CEP152: variants seen among roughly 807,000 people sequenced by gnomAD.
The protein encoded by CEP152 is centrosomal protein 152, also known as centrosomal protein of 152 kDa.
Under a neutral mutation model 188.9 loss-of-function variants are expected in CEP152, and 132 were observed. The observed-to-expected ratio is 0.70, with a 90% CI of 0.61 to 0.81. The LOEUF (loss-of-function observed/expected upper bound fraction) is 0.81, where lower values mean the gene tolerates loss of function less well. CEP152 is among the 30% of genes least tolerant of loss of function. The pLI is 0.00. For synonymous variants in CEP152, 649 were observed against 666.6 expected, an observed-to-expected ratio of 0.97 and a Z score of 0.41; for missense variants, 1,914 against 1,969.8, an observed-to-expected ratio of 0.97 and a Z score of 0.54.
chr15:48,751,399 T>C (rs1443948123), intron 21 of CEP152, among the ~76,000 whole-genome samples: 2 of 152,186 alleles, frequency 1.3e-5, no homozygotes, highest in African/African-American at 4.8e-5. Flanking sequence ...AATATTATCA[T>C]CCACTGAATT....
At position 48,810,927 on chromosome 15, in the gene CEP152, C is replaced by T. The variant is rs540101161; in HGVS notation, c.-8+34G>A. The T allele has an allele frequency of 3.3e-5, 5 of 152,760 alleles. No homozygotes were observed. In the South Asian group the frequency reaches 8.3e-4, roughly 25 times the overall value. The allele number at this position is 152,760 out of a possible 1,614,324, so 9.5% of individuals were successfully genotyped here. A position where few individuals can be genotyped will look rare whatever the true frequency, so the allele number is the denominator to read the frequency against. ...CGAGGACCCCGCAACTCCTCTAACCCCAGGTCCAAGCTCACCCGTGAATCA... is the reference window on the plus strand; with the variant it reads ...CGAGGACCCCGCAACTCCTCTAACCTCAGGTCCAAGCTCACCCGTGAATCA... On this transcript the variant is annotated intron_variant, in intron 1 of 26. Coordinates refer to ENST00000380950, the MANE Select transcript of CEP152 (RefSeq NM_001194998.2).
downstream of CEP152, among the ~76,000 whole-genome samples, chr15:48,734,441 ATC>A (rs2140529543): frequency 6.6e-6 from 1 of 151,844 alleles, no homozygotes; most frequent in South Asian, 2.1e-4. Context: ...CCTCATAAAT[ATC>A]TGTTTAATGC....
Position 48,755,774 on chromosome 15 carries a change from T to C in CEP152, c.3345+129A>G, listed in dbSNP as rs532169337. On this transcript the variant is annotated intron_variant, in intron 20 of 26. Coordinates refer to ENST00000380950, the MANE Select transcript of CEP152 (RefSeq NM_001194998.2). ...TTTGGATTTCGCTACAGAAACTTTT[T>C]TAAACCACTGACAAAAACATAAGAC... 6.6e-6 allele frequency: 10 copies of C among 1,525,004 alleles called. No homozygotes were observed. In the Admixed American group the frequency reaches 8.8e-5, roughly 13 times the overall value. 94.5% of individuals were successfully genotyped at this position (1,525,004 alleles called of 1,614,324 possible).
chr15:48,784,888 G>T (rs1180997950), intron 9 of CEP152, among the ~76,000 whole-genome samples: 1 of 152,054 alleles, frequency 6.6e-6, no homozygotes, highest in Non-Finnish European at 1.5e-5. Context: ...AATATGTTTG[G>T]GTGTAATAAA....
chr15:48,797,721 A>G lies in CEP152; in HGVS notation c.201T>C (p.His67=), dbSNP rs150260105. 67 of 1,614,098 alleles carry G rather than the reference A, an allele frequency of 4.2e-5. 2 individuals are homozygous for G. In the African/African-American group the frequency reaches 6.7e-4, roughly 16 times the overall value. The change falls in exon 4 of 27, where the codon CAT becomes CAC. Residue 67 remains histidine (H), a synonymous_variant. Coordinates refer to ENST00000380950, the MANE Select transcript of CEP152 (RefSeq NM_001194998.2). ...TCCAGCTCATCTCCAATTGCTCAGG[A>G]TGATGTGGTCTCGAGAAAAAGGAAT... is the stretch of plus-strand genomic sequence containing the variant. ...SEDGTDGQPH[H]PEQLEMSWNE...
At chr15:48,748,698 C>T (rs1214823537) in intron 21 of CEP152, 88 bp from the exon 22 acceptor site, 1 of 1,297,654 alleles carries the variant, frequency 7.7e-7, no homozygotes, top group East Asian at 2.7e-5. Context: ...GAAAGAAAAG[C>T]AGATGACTCA....
intron 2 of CEP152, chr15:48,729,523 A>C (rs564306853): frequency 6.6e-6 from 1 of 152,340 alleles, no homozygotes; most frequent in Non-Finnish European, 1.5e-5. Context: ...CCTGGGTGAC[A>C]GAGCAAGATC....
At position 48,768,336 on chromosome 15, in the gene CEP152, C is replaced by G. The variant is rs116089174; in HGVS notation, c.1909-8G>C. 1.0e-3 allele frequency: 1,460 copies of G among 1,441,726 alleles called. 15 individuals carry two copies. In the African/African-American group the frequency reaches 0.018, roughly 18 times the overall value. 89.3% of individuals were successfully genotyped at this position (1,441,726 alleles called of 1,614,324 possible). On this transcript the variant is annotated splice_region_variant and splice_polypyrimidine_tract_variant and intron_variant, in intron 14 of 26. Transcript: ENST00000380950. The stretch of plus-strand genomic sequence containing the variant: ...TTCAGTTTCTTTAAGTTCCTAGACA[C>G]AAAAGAATAAACTTAGTACTTACAG...
At chr15:48,752,034 C>T (rs1479617722) in intron 21 of CEP152, among the ~76,000 whole-genome samples, 1 of 152,112 alleles carries the variant, frequency 6.6e-6, no homozygotes, top group Non-Finnish European at 1.5e-5. Flanking sequence ...ATGAAAAAGT[C>T]TGTATTACTT....
At chr15:48,775,227 G>A (rs1241201167) in intron 12 of CEP152, among the ~76,000 whole-genome samples, 2 of 151,800 alleles carry the variant, frequency 1.3e-5, no homozygotes, top group African/African-American at 4.8e-5. Flanking sequence ...GACAGAAAAG[G>A]TATTTAAGGA....
chr15:48,763,485 C>T (rs1353257788), intron 17 of CEP152, among the ~76,000 whole-genome samples: 1 of 152,028 alleles, frequency 6.6e-6, no homozygotes, highest in African/African-American at 2.4e-5. Flanking sequence ...ACCAGCCTGG[C>T]CAACATGGCG....
Position 48,787,730 on chromosome 15 carries a change from C to T in CEP152, c.1173+1071G>A, listed in dbSNP as rs192920524. Among the ~76,000 whole-genome samples the T allele has an allele frequency of 4.8e-4, 69 of 143,556 alleles. 2 individuals are homozygous for T. Among genetic ancestry groups the T allele is most frequent in the African/African-American group, 1.7e-3 (67 of 40,248 alleles). 94.2% of individuals were successfully genotyped at this position (143,556 alleles called of 152,430 possible). A position where few individuals can be genotyped will look rare whatever the true frequency, so the allele number is the denominator to read the frequency against. On this transcript the variant is annotated intron_variant, in intron 9 of 26. Coordinates refer to ENST00000380950, the MANE Select transcript of CEP152 (RefSeq NM_001194998.2). ...TTTAAGTGTGGTGAAATTTTCCATA[C>T]CCTCACATCTGATTTTTCTTCTCTC...
rs577068566 is a variant in CEP152 at position 48,789,122 on chromosome 15, G to C, written c.973-121C>G. 11 of 895,990 alleles carry C rather than the reference G, an allele frequency of 1.2e-5. No homozygotes were observed. In the African/African-American group the frequency reaches 1.5e-4, roughly 12 times the overall value. 55.5% of individuals were successfully genotyped at this position (895,990 alleles called of 1,614,324 possible). ...ACTCAAGCATGTTTTAATGAGAGTAGAGAAGGGGTCTCCGCTCATCATGGC... is the reference window on the plus strand; with the variant it reads ...ACTCAAGCATGTTTTAATGAGAGTACAGAAGGGGTCTCCGCTCATCATGGC... On this transcript the variant is annotated intron_variant, in intron 8 of 26. Coordinates refer to ENST00000380950, the MANE Select transcript of CEP152 (RefSeq NM_001194998.2).
chr15:48,757,777 T>C (rs1894384321), intron 19 of CEP152, among the ~76,000 whole-genome samples: 1 of 152,256 alleles, frequency 6.6e-6, no homozygotes, highest in African/African-American at 2.4e-5. Flanking sequence ...AAGAATTCAC[T>C]GCAAAATTCC....
chr15:48,764,186 C>T (rs1434614566), intron 17 of CEP152, among the ~76,000 whole-genome samples: 1 of 152,092 alleles, frequency 6.6e-6, no homozygotes, highest in Non-Finnish European at 1.5e-5. Flanking sequence ...AATGTGGTGA[C>T]CAGAAAGAAA....
At chr15:48,791,423 C>T (rs781712466) in intron 7 of CEP152, 47 bp from the exon 8 acceptor site, 188 of 1,534,152 alleles carry the variant, frequency 1.2e-4, no homozygotes, top group Non-Finnish European at 1.6e-4. Context: ...TGTAGAGGGA[C>T]CCCAATGTCA....
At chr15:48,805,730 C>A (rs1156510997) in intron 1 of CEP152, 74 bp from the exon 2 acceptor site, 3 of 1,585,572 alleles carry the variant, frequency 1.9e-6, no homozygotes, top group African/African-American at 2.7e-5. Context: ...ATAAGAGATG[C>A]CATACATACA....
Position 48,752,399 on chromosome 15 carries a change from G to C in CEP152, c.3416C>G (p.Ala1139Gly), listed in dbSNP as rs1893938291. 6.2e-7 allele frequency: 1 copy of C among 1,614,012 alleles called. No homozygotes were observed. Among genetic ancestry groups the C allele is most frequent in the African/African-American group, 1.3e-5 (1 of 75,050 alleles). ...GGCCAAGGGCTGAGCATGGTGTCCA[G>C]CAGCAGGTCCAGGGTCTCCTTGGCC... ...GTGQGDPGPA[A>G]GHHAQPLALQ... Residue 1139 changes from alanine (A) to glycine (G), a missense_variant, in exon 21 of 27, where the codon GCT becomes GGT. Transcript: ENST00000380950.
In CEP152 at chr15:48,781,272, A is replaced by C. The variant is rs1896223335; in HGVS notation, c.1501T>G (p.Leu501Val). The C allele has an allele frequency of 6.2e-7, 1 of 1,613,272 alleles. No homozygotes were observed. The highest frequency in any genetic ancestry group is 1.3e-5 in the African/African-American group (1 of 74,908). The change falls in exon 12 of 27, where the codon TTA becomes GTA. Residue 501 changes from leucine (L) to valine (V), a missense_variant. Leu to Val is a conservative substitution (Grantham distance 32). Coordinates refer to ENST00000380950, the MANE Select transcript of CEP152 (RefSeq NM_001194998.2). ...GIHPSDSEGE[L>V]NIELTESYVD... is the part of the protein sequence containing the mutation. ...TACGATTCAGTGAGTTCTATATTTA[A>C]TTCTCCTTCTGAGTCACTTGGATGT...
Sources: gnomAD v4.1 joint callset for allele counts (sites outside exome capture counted in the v4.1 genomes callset) on GRCh38, gnomAD v4.1.1 for gene constraint, MANE v1.5 for transcripts, NCBI Gene and HGNC (gene_info 2026-07-23, HGNC 2026-07-21) for gene names.